The following OSCAR variants were observed in gnomAD, a reference collection of about 807,000 sequenced individuals.
OSCAR encodes the protein osteoclast-associated immunoglobulin-like receptor.
OSCAR carries 25 observed loss-of-function variants against 27.3 expected under a neutral mutation model. The ratio of observed to expected loss-of-function variants is 0.92; its 90% confidence interval spans 0.67 to 1.28. The LOEUF is 1.28. OSCAR is among the 50% of genes most tolerant of loss of function. The probability of loss-of-function intolerance (pLI) is 0.00; values close to 1 mark genes in which losing one functional copy is unlikely to be tolerated. For missense variants in OSCAR, 354 were observed against 355.1 expected (o/e 1.00, Z 0.03); for synonymous variants, 158 against 165.7 (o/e 0.95, Z 0.36).
intron 3 of OSCAR, 49 bp downstream of exon 3, chr19:54,096,813 C>G: frequency 6.3e-7 from 1 of 1,575,356 alleles, no homozygotes; most frequent in Non-Finnish European, 8.6e-7. Context: ...TGTCCCTCCC[C>G]CAACTCCCTT....
rs1357292018 is a variant in OSCAR, at chr19:54,095,954, G to A, written c.573C>T (p.Gly191=). 6.3e-7 allele frequency: 1 copy of A among 1,590,480 alleles called. No individual in the cohort carries two copies. The highest frequency in any genetic ancestry group is 8.6e-7 in the Non-Finnish European group (1 of 1,169,196). ...GCGTGTGATAGTAGCAGCTGTAGGT[G>A]CCGGGGGCGCGGGCGCCCAGCAGCG... ...DFTLLGARAP[G]TYSCYYHTPS... Residue 191 remains glycine (G), a synonymous_variant, in exon 4 of 5, where the codon GGC becomes GGT. Transcript: ENST00000358375.
At position 54,096,967 on chromosome 19, in the gene OSCAR, C is replaced by T. The variant is rs200592142; in HGVS notation, c.268G>A (p.Val90Met). The change falls in exon 3 of 5, where the codon GTG (valine) becomes ATG (methionine). Residue 90 changes from valine to methionine, a missense_variant. By Grantham distance (21) the Val-to-Met change is conservative. Transcript: ENST00000358375. ...SELAEFFLEE[V>M]TPAQGGSYRC... ...TAACTTCCCCCTTGGGCTGGAGTCACCTCCTCCAGAAAGAATTCTGCCAGC... is the reference window on the plus strand; with the variant it reads ...TAACTTCCCCCTTGGGCTGGAGTCATCTCCTCCAGAAAGAATTCTGCCAGC... The T allele has an allele frequency of 2.6e-5, 42 of 1,614,186 alleles. No homozygotes were observed. Among genetic ancestry groups the T allele is most frequent in the Non-Finnish European group, 3.4e-5 (40 of 1,180,032 alleles).
intron 4 of OSCAR, 60 bp downstream of exon 4, chr19:54,095,812 G>A (rs1204321949): frequency 6.5e-7 from 1 of 1,549,958 alleles, no homozygotes; most frequent in East Asian, 2.4e-5. Context: ...TCTGAGGGCG[G>A]AGGTCCTGGG....
rs1025110816 is a variant in OSCAR, at chr19:54,097,007, C to G, written c.228G>C (p.Arg76=). 2 of 1,614,134 alleles carry G rather than the reference C, an allele frequency of 1.2e-6. No homozygotes were observed. Among genetic ancestry groups the G allele is most frequent in the Admixed American group, 1.7e-5 (1 of 60,006 alleles). ...KPGEIAPLLF[R]DVSSELAEFF... ...ATTCTGCCAGCTCGGAGGACACATC[C>G]CGGAAGAGAAGGGGAGCGATCTCTC... The change falls in exon 3 of 5, where the codon CGG becomes CGC. Residue 76 remains arginine (R), a synonymous_variant. Transcript: ENST00000358375.
At chr19:54,099,662 G>C in intron 2 of OSCAR, 86 bp downstream of exon 2, 1 of 1,613,806 alleles carries the variant, frequency 6.2e-7, no homozygotes, top group Non-Finnish European at 8.5e-7. Flanking sequence ...GGATATCTGG[G>C]ATGGGATTGG....
In OSCAR at chr19:54,097,170, TA is replaced by T. The variant is rs766293974; in HGVS notation, c.71-7del. On this transcript the variant is annotated splice_polypyrimidine_tract_variant and splice_region_variant and intron_variant, in intron 2 of 4. Transcript: ENST00000358375. ...GTGGTATGAAGCTGGGGGGACTGAA[TA>T]AACGGGGCTGCCTGGGTCCTCGGGC... 1 of 1,606,202 alleles carries T rather than the reference TA, an allele frequency of 6.2e-7. No individual in the cohort carries two copies. Among genetic ancestry groups the T allele is most frequent in the Admixed American group, 1.7e-5 (1 of 59,442 alleles).
intron 2 of OSCAR, among the ~76,000 whole-genome samples, chr19:54,098,151 G>A (rs1241579029): frequency 1.3e-5 from 2 of 152,104 alleles, no homozygotes; most frequent in East Asian, 1.9e-4. Context: ...AAAGTTGTAT[G>A]GAAGATTAAT....
In OSCAR at chr19:54,097,239, G is replaced by A; in HGVS notation, c.71-75C>T. The A allele has an allele frequency of 5.5e-6, 8 of 1,441,468 alleles. No individual in the cohort carries two copies. The South Asian group carries it at 1.1e-4, about 19-fold the overall frequency. The allele number at this position is 1,441,468 out of a possible 1,614,324, so 89.3% of individuals were successfully genotyped here. Reference sequence around the variant, plus strand: ...AGATGAAAGGGAAGTTGGGGAAGGAGGAAAATCACCTTGGACAATTACTGC... The same window carrying A: ...AGATGAAAGGGAAGTTGGGGAAGGAAGAAAATCACCTTGGACAATTACTGC... On this transcript the variant is annotated intron_variant, in intron 2 of 4. Transcript: ENST00000358375.
Position 54,096,008 on chromosome 19 carries a change from G to A in OSCAR, c.519C>T (p.Arg173=). ...AGTCGGCCCAGGGCTGCGCGGAGTG[G>A]CGGTACTGCAGCGGGGCCGCCACGC... ...REGVAAPLQY[R]HSAQPWADFT... is the part of the protein sequence containing the mutation. The change falls in exon 4 of 5, where the codon CGC becomes CGT. Residue 173 remains arginine (R), a synonymous_variant. Transcript: ENST00000358375. 1.3e-6 allele frequency: 2 copies of A among 1,580,518 alleles called. No homozygotes were observed. Among genetic ancestry groups the A allele is most frequent in the Non-Finnish European group, 1.7e-6 (2 of 1,165,120 alleles).
intron 2 of OSCAR, 156 bp downstream of exon 2, chr19:54,099,592 A>C: frequency 6.2e-7 from 1 of 1,605,524 alleles, no homozygotes; most frequent in Non-Finnish European, 8.5e-7. Flanking sequence ...GTACTCACCT[A>C]TAATGGCCAC....
At position 54,098,982 on chromosome 19, in the gene OSCAR, A is replaced by AAAAT. The variant is rs761582730; in HGVS notation, c.70+762_70+765dup. Among the ~76,000 whole-genome samples the AAAAT allele has an allele frequency of 1.6e-3, 242 of 152,030 alleles. 1 individual carries two copies. The highest frequency in any genetic ancestry group is 5.3e-3 in the African/African-American group (222 of 41,514). ...TGGGCGACAGAGAGAAACTGGTCTCAAAATAAATAAATAAATAAATAAAAT... is the reference window on the plus strand; with the variant it reads ...TGGGCGACAGAGAGAAACTGGTCTCAAAATAAATAAATAAATAAATAAATAAAAT... On this transcript the variant is annotated intron_variant, in intron 2 of 4. Coordinates refer to ENST00000358375, the MANE Select transcript of OSCAR (RefSeq NM_133169.6).
At position 54,099,928 on chromosome 19, in the gene OSCAR, T is replaced by C. The variant is rs903274571; in HGVS notation, c.38-148A>G. On this transcript the variant is annotated intron_variant, in intron 1 of 4. Coordinates refer to ENST00000358375, the MANE Select transcript of OSCAR (RefSeq NM_133169.6). ...CCCAGGTTCAAGTGATTCTCCTGCC[T>C]CAGCCTCCGTAGTAGCTGGGACTAC... 9.6e-6 allele frequency: 9 copies of C among 933,096 alleles called. No homozygotes were observed. In the African/African-American group the frequency reaches 1.0e-4, roughly 10 times the overall value. The allele number at this position is 933,096 out of a possible 1,614,324, so 57.8% of individuals were successfully genotyped here. A position where few individuals can be genotyped will look rare whatever the true frequency, so the allele number is the denominator to read the frequency against.
At chr19:54,096,552 GCCTC>G (rs2072729480) in intron 3 of OSCAR, among the ~76,000 whole-genome samples, 2 of 67,634 alleles carry the variant, frequency 3.0e-5, no homozygotes, top group Admixed American at 2.0e-4. Flanking sequence ...CTCTCTCTCT[GCCTC>G]CCTCTCTCTC....
At chr19:54,096,656 TTC>T (rs56664596) in intron 3 of OSCAR, among the ~76,000 whole-genome samples, 3 of 145,608 alleles carry the variant, frequency 2.1e-5, no homozygotes, top group Non-Finnish European at 4.5e-5. Flanking sequence ...TTCTGCCTCT[TTC>T]TCTCTCTCTC....
At chr19:54,100,128 T>C (rs10410390) in intron 1 of OSCAR, among the ~76,000 whole-genome samples, 78,043 of 152,004 alleles carry the variant, frequency 0.51, 20,291 homozygotes, top group Non-Finnish European at 0.56. Flanking sequence ...CAGCGAGTTC[T>C]TTTCAAAACC....
rs1450838756 is a variant in OSCAR, at chr19:54,099,220, A to G, written c.70+528T>C. On this transcript the variant is annotated intron_variant, in intron 2 of 4. Coordinates refer to ENST00000358375, the MANE Select transcript of OSCAR (RefSeq NM_133169.6). ...TGGGATTACAGGTGCGTCCCACCAC[A>G]CCCGGCTAATTTTTTTTTTTTTTTT... Among the ~76,000 whole-genome samples the G allele has an allele frequency of 2.1e-4, 21 of 97,836 alleles. No individual in the cohort carries two copies. The East Asian group carries it at 7.9e-3, about 37-fold the overall frequency. 64.2% of individuals were successfully genotyped at this position (97,836 alleles called of 152,430 possible).
chr19:54,096,210 G>C, intron 3 of OSCAR, 57 bp from the exon 4 acceptor site: 16 of 1,386,652 alleles, frequency 1.2e-5, no homozygotes, highest in Non-Finnish European at 1.5e-5. Flanking sequence ...TCGCTCGCTC[G>C]CTCTGTTTCT....
intron 2 of OSCAR, among the ~76,000 whole-genome samples, chr19:54,097,981 G>C (rs1432691447): frequency 2.6e-5 from 4 of 151,868 alleles, no homozygotes; most frequent in African/African-American, 9.7e-5. Flanking sequence ...ATTTGGAAAA[G>C]AAAAATGTTG....
intron 2 of OSCAR, among the ~76,000 whole-genome samples, chr19:54,097,475 C>T (rs925115704): frequency 6.0e-5 from 9 of 150,470 alleles, no homozygotes; most frequent in Non-Finnish European, 1.3e-4. Context: ...TGGGAGGGGG[C>T]GGTCTCCCTA....
Sources: gnomAD v4.1 joint callset for allele counts (sites outside exome capture counted in the v4.1 genomes callset) on GRCh38, gnomAD v4.1.1 for gene constraint, MANE v1.5 for transcripts, NCBI Gene and HGNC (gene_info 2026-07-23, HGNC 2026-07-21) for gene names.